Variants in PRKD1 observed in about 807,000 individuals in gnomAD.
PRKD1 encodes the protein protein kinase D1, also known as serine/threonine-protein kinase D1.
Under a neutral mutation model 95.9 loss-of-function variants are expected in PRKD1, and 63 were observed. That is an observed-to-expected ratio of 0.66 (90% confidence interval 0.54 to 0.81). The LOEUF is 0.81. PRKD1 is among the 30% of genes least tolerant of loss of function. The pLI, the probability that PRKD1 is intolerant of heterozygous loss-of-function variation, is 0.00. For missense variants in PRKD1, 1,048 were observed against 1,165.3 expected, an observed-to-expected ratio of 0.90 and a Z score of 1.47; for synonymous variants, 425 against 423.1, an observed-to-expected ratio of 1.00 and a Z score of -0.05.
At chr14:29,719,298 G>A (rs1837872171) in intron 2 of PRKD1, among the ~76,000 whole-genome samples, 1 of 152,000 alleles carries the variant, frequency 6.6e-6, no homozygotes, top group South Asian at 2.1e-4. Flanking sequence ...AACCTTCAGG[G>A]TTTTCTTAAC....
chr14:29,785,973 CAT>C (rs1352726590), intron 1 of PRKD1, among the ~76,000 whole-genome samples: 1 of 149,644 alleles, frequency 6.7e-6, no homozygotes. Flanking sequence ...ATGTTAGTCA[CAT>C]GTGTTTGTCA....
intron 1 of PRKD1, among the ~76,000 whole-genome samples, chr14:29,763,513 G>T (rs1458371345): frequency 3.7e-5 from 5 of 136,428 alleles, no homozygotes; most frequent in Admixed American, 3.5e-4. Context: ...GGTAAACACA[G>T]AAAAAGACTA....
At chr14:29,852,944 T>C (rs1178324153) in intron 1 of PRKD1, among the ~76,000 whole-genome samples, 2 of 152,116 alleles carry the variant, frequency 1.3e-5, no homozygotes, top group African/African-American at 2.4e-5. Flanking sequence ...CCAAGATCAG[T>C]AGAATGGATC....
chr14:29,779,929 C>T (rs974474908), intron 1 of PRKD1, among the ~76,000 whole-genome samples: 1 of 151,974 alleles, frequency 6.6e-6, no homozygotes, highest in African/African-American at 2.4e-5. Context: ...GGTACTGGTA[C>T]CAAAACAGAT....
chr14:29,630,928 T>C lies in PRKD1; in HGVS notation c.1486A>G (p.Thr496Ala), dbSNP rs139331831. The C allele has an allele frequency of 4.6e-5, 75 of 1,613,976 alleles. No individual in the cohort carries two copies. Among genetic ancestry groups the C allele is most frequent in the Non-Finnish European group, 6.2e-5 (73 of 1,179,996 alleles). Reference protein sequence around the residue: ...GANPHCFEITTANVVYYVGEN... With the variant: ...GANPHCFEITAANVVYYVGEN... ...CCCACATAATACACTACATTTGCCG[T>C]AGTGATTTCGAAACAATGAGGATTG... is the stretch of plus-strand genomic sequence containing the variant. Residue 496 changes from threonine to alanine, a missense_variant, in exon 10 of 18, where the codon ACG becomes GCG. Thr to Ala is a moderately conservative substitution (Grantham distance 58, BLOSUM62 0). This residue lies in a region of PRKD1 where 739 missense variants were observed against 861.9 expected (regional missense o/e 0.86). Transcript: ENST00000331968.
rs1173701577 is a variant in PRKD1 at position 29,826,816 on chromosome 14, CATATAT to C, written c.264+100427_264+100432del. On this transcript the variant is annotated intron_variant, in intron 1 of 17. Transcript: ENST00000331968. ...ACATATATATACACATATATATACA[CATATAT>C]ATATATATATATATATACACACATA... is the stretch of plus-strand genomic sequence containing the variant. Among the ~76,000 whole-genome samples, 52 of 31,172 alleles carry C rather than the reference CATATAT, an allele frequency of 1.7e-3. 3 individuals carry two copies. The highest frequency in any genetic ancestry group is 7.0e-3 in the African/African-American group (52 of 7,380). 20.5% of individuals were successfully genotyped at this position (31,172 alleles called of 152,430 possible).
At chr14:29,630,578 T>A in intron 10 of PRKD1, 164 bp downstream of exon 10, 1 of 763,084 alleles carries the variant, frequency 1.3e-6, no homozygotes, top group Non-Finnish European at 2.1e-6. Flanking sequence ...CATCTTAGTA[T>A]GTGCAGCAGC....
chr14:29,650,184 T>G (rs1054383582), intron 4 of PRKD1: 1 of 152,472 alleles, frequency 6.6e-6, no homozygotes, highest in Non-Finnish European at 1.5e-5. Context: ...TTCAAATCAA[T>G]GAGCCACTCT....
In PRKD1 at chr14:29,686,060, G is replaced by A. The variant is rs140252418; in HGVS notation, c.404-19852C>T. Among the ~76,000 whole-genome samples the A allele has an allele frequency of 1.7e-3, 253 of 152,266 alleles. 1 individual carries two copies. Among genetic ancestry groups the A allele is most frequent in the Admixed American group, 7.7e-3 (117 of 15,292 alleles). ...CACGATGCCGTTTTGGATTTAGTTT[G>A]CACAATTCTTATAAAAGGCTTCCTA... On this transcript the variant is annotated intron_variant, in intron 2 of 17. Coordinates refer to ENST00000331968, the MANE Select transcript of PRKD1 (RefSeq NM_002742.3).
At chr14:29,912,835 G>A (rs1026764027) in intron 1 of PRKD1, among the ~76,000 whole-genome samples, 53 of 152,154 alleles carry the variant, frequency 3.5e-4, no homozygotes, top group Non-Finnish European at 7.3e-5. Flanking sequence ...TTTTGCCTTT[G>A]TCATTACTGT....
intron 1 of PRKD1, among the ~76,000 whole-genome samples, chr14:29,864,415 C>A (rs1226132497): frequency 6.6e-6 from 1 of 152,170 alleles, no homozygotes; most frequent in Admixed American, 6.5e-5. Context: ...AAGGCATATT[C>A]TAGCTGACTT....
chr14:29,824,105 T>G (rs1000468007), intron 1 of PRKD1, among the ~76,000 whole-genome samples: 1 of 152,164 alleles, frequency 6.6e-6, no homozygotes, highest in African/African-American at 2.4e-5. Context: ...TTAAGTGAGT[T>G]ATCAGCTACG....
chr14:29,582,481 G>A (rs1417480578), intron 16 of PRKD1, among the ~76,000 whole-genome samples: 2 of 152,038 alleles, frequency 1.3e-5, no homozygotes, highest in South Asian at 2.1e-4. Context: ...AAATTACCAC[G>A]GCTCTAAAAG....
chr14:29,653,847 A>C (rs1881667952), intron 4 of PRKD1, among the ~76,000 whole-genome samples: 1 of 152,230 alleles, frequency 6.6e-6, no homozygotes, highest in Non-Finnish European at 1.5e-5. Flanking sequence ...AAGGCAATTC[A>C]CCATGGCTGA....
chr14:29,884,415 CATT>C (rs1433593561), intron 1 of PRKD1, among the ~76,000 whole-genome samples: 88 of 152,178 alleles, frequency 5.8e-4, no homozygotes, highest in African/African-American at 1.9e-3. Context: ...CTCACTAATA[CATT>C]ATTACATTTC....
rs746966229 is a variant in PRKD1 at position 29,725,664 on chromosome 14, C to T, written c.275G>A (p.Cys92Tyr). The change falls in exon 2 of 18, where the codon TGT becomes TAT. Residue 92 changes from cysteine to tyrosine, a missense_variant. Around this residue, in one of 3 missense-constraint regions of PRKD1, gnomAD observed 275 missense variants for 248.6 expected, o/e 1.11. Transcript: ENST00000331968. ...CTTATCATACATTCCGTAGAAACCACATTCAGGGAACTGCAAATACAAATA... is the reference window on the plus strand; with the variant it reads ...CTTATCATACATTCCGTAGAAACCATATTCAGGGAACTGCAAATACAAATA... The part of the protein sequence containing the change: ...CSIVDQKFPE[C>Y]GFYGMYDKIL... 1 of 1,613,228 alleles carries T rather than the reference C, an allele frequency of 6.2e-7. No individual in the cohort carries two copies. Among genetic ancestry groups the T allele is most frequent in the South Asian group, 1.1e-5 (1 of 90,982 alleles).
Position 29,857,054 on chromosome 14 carries a change from T to C in PRKD1, c.264+70195A>G, listed in dbSNP as rs144764607. On this transcript the variant is annotated intron_variant, in intron 1 of 17. Coordinates refer to ENST00000331968, the MANE Select transcript of PRKD1 (RefSeq NM_002742.3). ...TACTAGCCCTGTAATCTGGGGCAAA[T>C]ATCTTAACCTCTCACCTCCCTTGCC... Among the ~76,000 whole-genome samples the C allele has an allele frequency of 8.2e-3, 1,245 of 152,296 alleles. 7 individuals carry two copies. The highest frequency in any genetic ancestry group is 0.015 in the Admixed American group (225 of 15,290).
intron 11 of PRKD1, among the ~76,000 whole-genome samples, chr14:29,627,063 T>C (rs1339320514): frequency 6.6e-6 from 1 of 152,214 alleles, no homozygotes; most frequent in Non-Finnish European, 1.5e-5. Context: ...CGAAAACTGT[T>C]CTGATCTTAA....
chr14:29,922,148 A>C (rs779115588), intron 1 of PRKD1, among the ~76,000 whole-genome samples: 9 of 152,122 alleles, frequency 5.9e-5, no homozygotes, highest in Non-Finnish European at 1.3e-4. Context: ...AAAAATACAA[A>C]AAAATAGCAG....
Sources: allele counts gnomAD v4.1 joint callset (sites outside exome capture counted in the v4.1 genomes callset), GRCh38; gene constraint gnomAD v4.1.1; regional missense constraint gnomAD v4.1.1; transcripts MANE v1.5; gene names NCBI Gene and HGNC (gene_info 2026-07-23, HGNC 2026-07-21).